The following LYRM4 variants were observed in gnomAD, a reference collection of about 807,000 sequenced individuals.
LYRM4 encodes the protein LYR motif-containing protein 4.
A neutral mutation model predicts 11.7 loss-of-function variants in LYRM4; 9 were observed. The ratio of observed to expected loss-of-function variants is 0.77; its 90% confidence interval spans 0.46 to 1.34. The LOEUF is 1.34. LYRM4 is among the 40% of genes most tolerant of loss of function. The pLI is 0.00. For missense variants in LYRM4, 133 were observed against 112.5 expected, an observed-to-expected ratio of 1.18 and a Z score of -0.82; for synonymous variants, 42 against 40.4, an observed-to-expected ratio of 1.04 and a Z score of -0.15.
At chr6:5,086,267 T>C in the LYRM4 span, 41 of 1,535,362 alleles carry the variant, frequency 2.7e-5, no homozygotes, top group South Asian at 4.8e-4. Context: ...CGCTCCTTCC[T>C]GGACGTGCCG....
intron 2 of LYRM4, among the ~76,000 whole-genome samples, chr6:5,176,465 A>ATAC (rs879181445): frequency 6.6e-6 from 1 of 152,224 alleles, no homozygotes; most frequent in Admixed American, 6.5e-5. Flanking sequence ...GCTACCAGTG[A>ATAC]TACTGTCTGT....
the LYRM4 span, among the ~76,000 whole-genome samples, chr6:5,059,291 T>G: frequency 1.4e-5 from 2 of 144,664 alleles, no homozygotes; most frequent in Non-Finnish European, 3.0e-5. Flanking sequence ...CAGTGAGCTA[T>G]GACGGTGGCA....
At chr6:5,133,374 A>G (rs1341309796) in intron 2 of LYRM4, among the ~76,000 whole-genome samples, 1 of 152,244 alleles carries the variant, frequency 6.6e-6, no homozygotes, top group Non-Finnish European at 1.5e-5. Flanking sequence ...GTTATCCTTT[A>G]GAATACAGAA....
chr6:5,148,728 CAAT>C (rs1429657104), intron 2 of LYRM4, among the ~76,000 whole-genome samples: 1 of 152,084 alleles, frequency 6.6e-6, no homozygotes, highest in Non-Finnish European at 1.5e-5. Flanking sequence ...ACTTTACCAA[CAAT>C]AATTCTTGAA....
At chr6:5,065,717 T>A in the LYRM4 span, 1 of 177,486 alleles carries the variant, frequency 5.6e-6, no homozygotes, top group African/African-American at 2.4e-5. Flanking sequence ...GCTGAAAGGA[T>A]GTGAGCTTTC....
chr6:5,196,330 C>T (rs756894808), intron 2 of LYRM4, among the ~76,000 whole-genome samples: 1 of 152,196 alleles, frequency 6.6e-6, no homozygotes, highest in Non-Finnish European at 1.5e-5. Flanking sequence ...CCTCTACCTG[C>T]TTTAACAGAT....
chr6:5,205,033 G>A (rs1761611608), intron 2 of LYRM4, among the ~76,000 whole-genome samples: 1 of 152,152 alleles, frequency 6.6e-6, no homozygotes, highest in Non-Finnish European at 1.5e-5. Context: ...GGCATTAATG[G>A]AGTGCTTTCT....
At chr6:5,157,009 G>GA (rs1758452594) in intron 2 of LYRM4, among the ~76,000 whole-genome samples, 2 of 152,234 alleles carry the variant, frequency 1.3e-5, no homozygotes, top group South Asian at 4.2e-4. Context: ...TGGTAAGTAA[G>GA]AATAAAGCAA....
In LYRM4 at chr6:5,150,648, C is replaced by T. The variant is rs541959705; in HGVS notation, c.208-41157G>A. 2.0e-5 allele frequency among the ~76,000 whole-genome samples: 3 copies of T among 152,304 alleles called. No homozygotes were observed. In the South Asian group the frequency reaches 6.2e-4, roughly 32 times the overall value. ...AAGCATCTGAGATAGCAAATGTGCA[C>T]ATGTTCTGTGAGCAGCAGAGTGTCA... On this transcript the variant is annotated intron_variant, in intron 2 of 2. Transcript: ENST00000330636.
At chr6:5,131,590 A>G (rs1470433957) in intron 2 of LYRM4, among the ~76,000 whole-genome samples, 1 of 152,240 alleles carries the variant, frequency 6.6e-6, no homozygotes, top group African/African-American at 2.4e-5. Flanking sequence ...AAGACAACAA[A>G]GAAAACATTG....
chr6:5,115,501 G>A (rs1382683981), intron 2 of LYRM4, among the ~76,000 whole-genome samples: 1 of 152,130 alleles, frequency 6.6e-6, no homozygotes, highest in Non-Finnish European at 1.5e-5. Flanking sequence ...CCTTACCAAA[G>A]CCCCCATTAC....
At chr6:5,162,229 A>G (rs942098141) in intron 2 of LYRM4, among the ~76,000 whole-genome samples, 12 of 152,238 alleles carry the variant, frequency 7.9e-5, no homozygotes, top group African/African-American at 2.9e-4. Flanking sequence ...AGCTCGCTAG[A>G]TGATTTCAAT....
At chr6:5,260,598 T>TGCCCCGGCCCCGGGGCCCCCCCCCCCCCC in intron 1 of LYRM4, 50 bp downstream of exon 1, 4 of 1,105,566 alleles carry the variant, frequency 3.6e-6, no homozygotes, top group Non-Finnish European at 3.9e-6. Context: ...GCACCCCCGG[T>TGCCCCGGCCCCGGGGCCCCCCCCCCCCCC]CCCCGGCCCC....
chr6:5,100,220 G>A (rs138439766), downstream of LYRM4, among the ~76,000 whole-genome samples: 333 of 152,308 alleles, frequency 2.2e-3, 2 homozygotes, highest in Middle Eastern at 0.024. Flanking sequence ...ACAAGCCAGC[G>A]TCAGCAAGGA....
the LYRM4 span, among the ~76,000 whole-genome samples, chr6:5,073,711 T>A: frequency 6.6e-6 from 1 of 152,124 alleles, no homozygotes; most frequent in Non-Finnish European, 1.5e-5. Context: ...ACTCTCTATG[T>A]GAGCCTCTCC....
intron 1 of LYRM4, among the ~76,000 whole-genome samples, chr6:5,258,508 T>C (rs1764786614): frequency 6.6e-6 from 1 of 152,242 alleles, no homozygotes; most frequent in Admixed American, 6.5e-5. Context: ...GGATGTTGTG[T>C]TGCTATTGAT....
the LYRM4 span, chr6:5,086,176 GCTGAGGTGAAGGGCT>G: frequency 2.2e-5 from 33 of 1,531,654 alleles, no homozygotes; most frequent in African/African-American, 2.7e-5. Context: ...GGCCTCGGGC[GCTGAGGTGAAGGGCT>G]CCGGCCGGGT....
At chr6:5,108,334 G>T, downstream of LYRM4, 2 of 565,960 alleles carry the variant, frequency 3.5e-6, no homozygotes, top group Non-Finnish European at 4.5e-6. Flanking sequence ...GCTCTGCCAG[G>T]TCTGGTCCCT....
the LYRM4 span, among the ~76,000 whole-genome samples, chr6:5,095,752 G>T: frequency 6.6e-6 from 1 of 152,080 alleles, no homozygotes. Flanking sequence ...CCGAGAGGCA[G>T]GTGGGTCATT....
Sources: allele counts gnomAD v4.1 joint callset (sites outside exome capture counted in the v4.1 genomes callset), GRCh38; gene constraint gnomAD v4.1.1; transcripts MANE v1.5; gene names NCBI Gene and HGNC (gene_info 2026-07-23, HGNC 2026-07-21).